The following DENND2A variants were observed in gnomAD, a reference collection of about 807,000 sequenced individuals.
DENND2A encodes DENN domain-containing protein 2A.
DENND2A carries 53 observed loss-of-function variants against 105.3 expected under a neutral mutation model. That is an observed-to-expected ratio of 0.50 (90% CI 0.40 to 0.63). DENND2A has a LOEUF of 0.63. DENND2A is among the 30% of genes least tolerant of loss of function. The pLI is 0.00. For missense variants in DENND2A, 1,138 were observed against 1,279.6 expected, an observed-to-expected ratio of 0.89 and a Z score of 1.69; for synonymous variants, 522 against 508.4, an observed-to-expected ratio of 1.03 and a Z score of -0.36.
In DENND2A at chr7:140,602,046, C is replaced by T. The variant is rs371567782; in HGVS notation, c.352G>A (p.Gly118Arg). ...KERNKGAVNVGGQDPEPGQDL... is the reference protein window; with the variant it reads ...KERNKGAVNVRGQDPEPGQDL... Reference sequence around the variant, plus strand: ...TGCCCCGGCTCTGGGTCCTGTCCCCCGACGTTCACTGCTCCTTTATTCCTC... The same window carrying T: ...TGCCCCGGCTCTGGGTCCTGTCCCCTGACGTTCACTGCTCCTTTATTCCTC... Residue 118 changes from glycine (G) to arginine (R), a missense_variant, in exon 3 of 20, where the codon GGG becomes AGG. By Grantham distance (125) the Gly-to-Arg change is moderately radical. Transcript: ENST00000496613. 8.1e-6 allele frequency: 13 copies of T among 1,614,086 alleles called. No individual in the cohort carries two copies. The highest frequency in any genetic ancestry group is 1.1e-5 in the Non-Finnish European group (13 of 1,180,038).
chr7:140,634,602 G>A (rs1409057850), intron 1 of DENND2A, among the ~76,000 whole-genome samples: 1 of 152,152 alleles, frequency 6.6e-6, no homozygotes, highest in Non-Finnish European at 1.5e-5. Context: ...CAGGCGTGGT[G>A]GCTCATGCCT....
rs568761612 is a variant in DENND2A, at chr7:140,527,129, G to A, written c.2505+189C>T. 3.3e-5 allele frequency among the ~76,000 whole-genome samples: 5 copies of A among 152,306 alleles called. No individual in the cohort carries two copies. The South Asian group carries it at 6.2e-4, about 19-fold the overall frequency. ...TCATTTGGAAGGGAAAACAGTGTTT[G>A]CAGTCACTGAGGGTCTGACTGAGTC... On this transcript the variant is annotated intron_variant, in intron 15 of 19. Transcript: ENST00000496613. This position sits in a 1 kb window ranked among gnomAD's most constrained non-coding sequence, Gnocchi z 4.9.
intron 1 of DENND2A, among the ~76,000 whole-genome samples, chr7:140,634,570 T>G (rs1290235599): frequency 1.3e-5 from 2 of 152,146 alleles, no homozygotes; most frequent in East Asian, 3.9e-4. Context: ...CGTATTAAAA[T>G]TAGAAATTTA....
chr7:140,559,684 C>G lies in DENND2A; in HGVS notation c.1889+24G>C, dbSNP rs567843788. ...AGTCTCGCCTTAGTCTTTGGGGCTG[C>G]GAAGGGGAGAAGCCAGCTCGTACCT... is the stretch of plus-strand genomic sequence containing the variant. On this transcript the variant is annotated intron_variant, in intron 10 of 19. Coordinates refer to ENST00000496613, the MANE Select transcript of DENND2A (RefSeq NM_015689.5). The surrounding 1 kb of genome is among the most constrained non-coding windows in gnomAD (Gnocchi z 4.1). 44 of 1,577,734 alleles carry G rather than the reference C, an allele frequency of 2.8e-5. No homozygotes were observed. The Admixed American group carries it at 6.4e-4, about 23-fold the overall frequency.
At chr7:140,590,117 C>T (rs780490868) in intron 3 of DENND2A, among the ~76,000 whole-genome samples, 1 of 152,128 alleles carries the variant, frequency 6.6e-6, no homozygotes, top group Non-Finnish European at 1.5e-5. Context: ...AGGCCGGGCG[C>T]GGTGGCTCAT....
At chr7:140,620,936 T>C (rs1280732873) in intron 1 of DENND2A, among the ~76,000 whole-genome samples, 1 of 152,208 alleles carries the variant, frequency 6.6e-6, no homozygotes, top group African/African-American at 2.4e-5. Flanking sequence ...GGTTCCAGGA[T>C]GTCACTCAGA....
chr7:140,617,872 A>G (rs943513516), intron 1 of DENND2A, among the ~76,000 whole-genome samples: 10 of 152,172 alleles, frequency 6.6e-5, no homozygotes, highest in African/African-American at 2.4e-4. Flanking sequence ...CTAAAGATGC[A>G]TATCATTCTC....
chr7:140,574,699 A>G (rs1249518504), intron 5 of DENND2A, among the ~76,000 whole-genome samples: 1 of 152,142 alleles, frequency 6.6e-6, no homozygotes, highest in African/African-American at 2.4e-5. Context: ...TTGGCCCTCA[A>G]TATCTTATTT....
chr7:140,631,806 A>G (rs1800743293), intron 1 of DENND2A, among the ~76,000 whole-genome samples: 1 of 152,168 alleles, frequency 6.6e-6, no homozygotes, highest in South Asian at 2.1e-4. Context: ...AATCCCTCTG[A>G]GTCTCCAGGG....
intron 19 of DENND2A, among the ~76,000 whole-genome samples, chr7:140,519,403 A>G (rs1795772479): frequency 6.6e-6 from 1 of 152,240 alleles, no homozygotes; most frequent in Non-Finnish European, 1.5e-5. Context: ...GAAGACAGCA[A>G]GAAAGCCCGG....
intron 5 of DENND2A, among the ~76,000 whole-genome samples, chr7:140,581,061 G>A (rs563025607): frequency 3.8e-4 from 57 of 150,670 alleles, no homozygotes; most frequent in African/African-American, 2.7e-4. Flanking sequence ...TCAGGAGTTC[G>A]AAACCAGCCT....
intron 1 of DENND2A, among the ~76,000 whole-genome samples, chr7:140,632,864 CTT>C (rs1158154967): frequency 1.0e-4 from 12 of 117,208 alleles, no homozygotes; most frequent in Non-Finnish European, 8.9e-5. Flanking sequence ...CATGCCTGGC[CTT>C]TTTTTTTTTT....
chr7:140,635,019 T>C (rs1442917238), intron 1 of DENND2A, among the ~76,000 whole-genome samples: 1 of 152,068 alleles, frequency 6.6e-6, no homozygotes, highest in Non-Finnish European at 1.5e-5. Flanking sequence ...TCCCAGCACT[T>C]TGCAAGGCCG....
At chr7:140,574,282 G>A (rs914614789) in intron 5 of DENND2A, among the ~76,000 whole-genome samples, 7 of 151,990 alleles carry the variant, frequency 4.6e-5, no homozygotes, top group East Asian at 1.9e-4. Context: ...GGAATGGCGC[G>A]ATCTCTGTTC....
chr7:140,584,665 C>T (rs1191457704), intron 5 of DENND2A, among the ~76,000 whole-genome samples: 3 of 152,208 alleles, frequency 2.0e-5, no homozygotes, highest in Non-Finnish European at 4.4e-5. Flanking sequence ...AGCCTTCCCC[C>T]TGCCCTCTGG....
chr7:140,629,885 T>C (rs1585791718), intron 1 of DENND2A, among the ~76,000 whole-genome samples: 1 of 145,640 alleles, frequency 6.9e-6, no homozygotes, highest in African/African-American at 2.6e-5. Flanking sequence ...TGAGATGGAG[T>C]CTCATTCTGT....
intron 9 of DENND2A, among the ~76,000 whole-genome samples, chr7:140,564,782 C>T (rs143468022): frequency 9.7e-4 from 148 of 152,302 alleles, no homozygotes; most frequent in Middle Eastern, 6.8e-3. Context: ...ATTCCTACAA[C>T]ACTGATTAAG....
chr7:140,566,737 A>C (rs1368083041), intron 9 of DENND2A, among the ~76,000 whole-genome samples: 1 of 122,632 alleles, frequency 8.2e-6, no homozygotes, highest in Non-Finnish European at 1.6e-5. Flanking sequence ...CCCAGGCCGG[A>C]GTGCAGTGGC....
chr7:140,557,559 A>T (rs2130564100), intron 11 of DENND2A, among the ~76,000 whole-genome samples: 4 of 17,514 alleles, frequency 2.3e-4, no homozygotes, highest in Non-Finnish European at 4.0e-4. Flanking sequence ...TTTTTTTTTG[A>T]GACGGAGTTT....
Sources: gnomAD v4.1 joint callset for allele counts (sites outside exome capture counted in the v4.1 genomes callset) on GRCh38, gnomAD v4.1.1 for gene constraint, Gnocchi (gnomAD v3.1) non-coding constraint, MANE v1.5 for transcripts, NCBI Gene and HGNC (gene_info 2026-07-23, HGNC 2026-07-21) for gene names.